Variants in RPRD2 observed in about 807,000 individuals in gnomAD.
The protein encoded by RPRD2 is regulation of nuclear pre-mRNA domain containing 2, also known as regulation of nuclear pre-mRNA domain-containing protein 2.
Under a neutral mutation model 104.4 loss-of-function variants are expected in RPRD2, and 12 were observed. That is an observed-to-expected ratio of 0.11 (90% CI 0.07 to 0.19). RPRD2 has a LOEUF of 0.19. Ranked by LOEUF, RPRD2 falls within the 10% of genes least tolerant of loss-of-function variation. RPRD2 has a pLI of 1.00. For missense variants in RPRD2, 1,543 were observed against 1,790.1 expected (o/e 0.86, Z 2.49); for synonymous variants, 714 against 684.9 (o/e 1.04, Z -0.66).
chr1:150,420,178 C>G (rs1426604373), intron 2 of RPRD2, among the ~76,000 whole-genome samples: 6 of 152,160 alleles, frequency 3.9e-5, no homozygotes, highest in African/African-American at 1.4e-4. Flanking sequence ...GTATCTATAA[C>G]TTAGCCTAGT....
intron 1 of RPRD2, among the ~76,000 whole-genome samples, chr1:150,376,561 C>T (rs1268045310): frequency 2.0e-5 from 3 of 150,364 alleles, no homozygotes; most frequent in South Asian, 2.1e-4. Context: ...AGTGCAGTGG[C>T]GCCATCTCGG....
chr1:150,454,468 T>C (rs1258700050), intron 7 of RPRD2, among the ~76,000 whole-genome samples: 1 of 152,202 alleles, frequency 6.6e-6, no homozygotes, highest in Non-Finnish European at 1.5e-5. Context: ...CTACTTGTTC[T>C]TGATGGGAGC....
chr1:150,406,932 C>T (rs1315378017), intron 1 of RPRD2, among the ~76,000 whole-genome samples: 1 of 152,154 alleles, frequency 6.6e-6, no homozygotes, highest in African/African-American at 2.4e-5. Flanking sequence ...TCAGGCTGGT[C>T]TCGAACTCCT....
intron 3 of RPRD2, 129 bp from the exon 4 acceptor site, chr1:150,441,752 A>C: frequency 1.9e-6 from 1 of 537,058 alleles, no homozygotes; most frequent in Non-Finnish European, 3.3e-6. Context: ...TAAAAATGAA[A>C]GAAAAGGAAA....
At chr1:150,425,662 T>G (rs1287149762) in intron 2 of RPRD2, among the ~76,000 whole-genome samples, 1 of 150,718 alleles carries the variant, frequency 6.6e-6, no homozygotes, top group Non-Finnish European at 1.5e-5. Flanking sequence ...AAAAGAAAAA[T>G]AAATTTCCTT....
intron 1 of RPRD2, among the ~76,000 whole-genome samples, chr1:150,416,576 A>G (rs1425874702): frequency 2.0e-5 from 3 of 152,102 alleles, no homozygotes; most frequent in African/African-American, 4.8e-5. Context: ...GAACCATTGA[A>G]AAACTTAACC....
At chr1:150,393,583 T>C (rs960365753) in intron 1 of RPRD2, among the ~76,000 whole-genome samples, 8 of 151,974 alleles carry the variant, frequency 5.3e-5, no homozygotes, top group African/African-American at 1.9e-4. Context: ...TTGATAATTA[T>C]AGATTATTAC....
intron 1 of RPRD2, among the ~76,000 whole-genome samples, chr1:150,396,731 T>A (rs1662558943): frequency 6.6e-6 from 1 of 152,022 alleles, no homozygotes; most frequent in South Asian, 2.1e-4. Flanking sequence ...AGACCCCACA[T>A]AGCCAATGCA....
chr1:150,368,459 ATTT>A (rs34949625), intron 1 of RPRD2, among the ~76,000 whole-genome samples: 4 of 103,664 alleles, frequency 3.9e-5, no homozygotes, highest in African/African-American at 3.9e-5. Flanking sequence ...AGCCCAGCTA[ATTT>A]TTTTTTTTTT....
At chr1:150,409,135 A>G (rs1663714799) in intron 1 of RPRD2, 1 of 152,250 alleles carries the variant, frequency 6.6e-6, no homozygotes, top group African/African-American at 2.4e-5. Context: ...GACTTAAATC[A>G]GTAACCTTCC....
In RPRD2 at chr1:150,443,225, C is replaced by T. The variant is rs1484333641; in HGVS notation, c.515-6C>T. The T allele has an allele frequency of 5.7e-6, 9 of 1,571,062 alleles. No individual in the cohort carries two copies. The highest frequency in any genetic ancestry group is 7.8e-6 in the Non-Finnish European group (9 of 1,156,384). Reference sequence around the variant, plus strand: ...TTCTTAATGACCTTTTGTTTAATTCCAACAGCATCTACAAATCCAAAAGCT... The same window carrying T: ...TTCTTAATGACCTTTTGTTTAATTCTAACAGCATCTACAAATCCAAAAGCT... On this transcript the variant is annotated splice_region_variant and splice_polypyrimidine_tract_variant and intron_variant, in intron 4 of 10. Transcript: ENST00000369068.
At chr1:150,439,588 A>G (rs886919811) in intron 2 of RPRD2, among the ~76,000 whole-genome samples, 16 of 151,234 alleles carry the variant, frequency 1.1e-4, no homozygotes, top group Non-Finnish European at 2.2e-4. Context: ...ATGGATTCAT[A>G]GGCTCTCATC....
chr1:150,443,772 G>A (rs1012986772), intron 5 of RPRD2, among the ~76,000 whole-genome samples: 59 of 152,010 alleles, frequency 3.9e-4, no homozygotes, highest in Non-Finnish European at 7.1e-4. Context: ...TTGGGAGGCC[G>A]AGGTGGGCGG....
At chr1:150,387,913 CTTT>C (rs34188350) in intron 1 of RPRD2, among the ~76,000 whole-genome samples, 4 of 94,598 alleles carry the variant, frequency 4.2e-5, no homozygotes, top group Non-Finnish European at 6.0e-5. Context: ...TTTCTTTTCT[CTTT>C]TTTTTTTTTT....
At chr1:150,464,362 G>GTTTTT (rs34642023) in intron 9 of RPRD2, among the ~76,000 whole-genome samples, 165 bp from the exon 10 acceptor site, 3 of 131,078 alleles carry the variant, frequency 2.3e-5, no homozygotes, top group African/African-American at 8.4e-5. Context: ...TCTTTTCAGG[G>GTTTTT]TTTTTTTTTT....
rs181937625 is a variant in RPRD2, at chr1:150,399,785, T to G, written c.206-17811T>G. 8.0e-4 allele frequency among the ~76,000 whole-genome samples: 121 copies of G among 152,050 alleles called. 2 individuals carry two copies. The East Asian group carries it at 0.023, about 29-fold the overall frequency. ...AAAAAAAAAAAATTGATTGCCCACG[T>G]ATATATATGCTGCCTTGATTATTGT... On this transcript the variant is annotated intron_variant, in intron 1 of 10. Transcript: ENST00000369068.
chr1:150,377,597 C>CA (rs1178580863), intron 1 of RPRD2, among the ~76,000 whole-genome samples: 27,610 of 96,542 alleles, frequency 0.29, 3,016 homozygotes, highest in African/African-American at 0.35. Context: ...GACTGCGTCT[C>CA]AAAAAAAAAA....
chr1:150,448,163 TTTG>T (rs1302297589), intron 7 of RPRD2, among the ~76,000 whole-genome samples: 22 of 152,248 alleles, frequency 1.4e-4, no homozygotes, highest in African/African-American at 4.8e-4. Context: ...ATATTTACTT[TTTG>T]TTGTTGTTGT....
rs184369697 is a variant in RPRD2 at position 150,394,741 on chromosome 1, C to T, written c.206-22855C>T. ...GAGTAGGTGGTGCACACCACCATGC[C>T]TGGCTAATTTTTGTATTTTTTGTAG... On this transcript the variant is annotated intron_variant, in intron 1 of 10. Coordinates refer to ENST00000369068, the MANE Select transcript of RPRD2 (RefSeq NM_015203.5). 9.0e-3 allele frequency among the ~76,000 whole-genome samples: 1,365 copies of T among 152,252 alleles called. 10 individuals are homozygous for T. Among genetic ancestry groups the T allele is most frequent in the Non-Finnish European group, 0.015 (1,035 of 68,014 alleles).
Sources: allele counts gnomAD v4.1 joint callset (sites outside exome capture counted in the v4.1 genomes callset), GRCh38; gene constraint gnomAD v4.1.1; transcripts MANE v1.5; gene names NCBI Gene and HGNC (gene_info 2026-07-23, HGNC 2026-07-21).